Variants in CCDC178 observed in about 807,000 individuals in gnomAD.
CCDC178 encodes the protein coiled-coil domain-containing protein 178.
A neutral mutation model predicts 117.4 loss-of-function variants in CCDC178; 126 were observed. The observed-to-expected ratio is 1.07, with a 90% CI of 0.93 to 1.24. CCDC178 has a LOEUF of 1.24. CCDC178 is among the 50% of genes most tolerant of loss of function. The probability of loss-of-function intolerance (pLI) is 0.00; values close to 1 mark genes in which losing one functional copy is unlikely to be tolerated. For missense variants in CCDC178, 1,030 were observed against 986.9 expected, an observed-to-expected ratio of 1.04 and a Z score of -0.59; for synonymous variants, 283 against 313.4, an observed-to-expected ratio of 0.90 and a Z score of 1.02.
intron 15 of CCDC178, among the ~76,000 whole-genome samples, chr18:33,230,059 C>T (rs756931983): frequency 6.6e-6 from 1 of 152,104 alleles, no homozygotes; most frequent in Non-Finnish European, 1.5e-5. Flanking sequence ...GGGCAAAATC[C>T]TCTAACCTAA....
At chr18:33,354,878 G>A (rs1045859295) in intron 7 of CCDC178, among the ~76,000 whole-genome samples, 1 of 152,026 alleles carries the variant, frequency 6.6e-6, no homozygotes, top group Admixed American at 6.6e-5. Context: ...CCAAAGTGTT[G>A]GGATTACAGG....
intron 20 of CCDC178, among the ~76,000 whole-genome samples, chr18:33,097,601 CAG>C (rs1305859691): frequency 1.3e-5 from 2 of 152,070 alleles, no homozygotes; most frequent in East Asian, 1.9e-4. Context: ...AGACTGGCTC[CAG>C]ATCCTGTACC....
chr18:33,375,924 C>T (rs2063358677), intron 5 of CCDC178, among the ~76,000 whole-genome samples: 1 of 151,950 alleles, frequency 6.6e-6, no homozygotes, highest in Non-Finnish European at 1.5e-5. Flanking sequence ...AGGCAAATTT[C>T]AGAACAGGAG....
intron 22 of CCDC178, chr18:32,958,038 T>A: frequency 3.1e-6 from 1 of 321,318 alleles, no homozygotes; most frequent in Middle Eastern, 3.8e-4. Flanking sequence ...GAAAGTGAGT[T>A]TACAGGGTTA....
chr18:33,127,003 T>A (rs942800506), intron 20 of CCDC178, among the ~76,000 whole-genome samples: 8 of 143,674 alleles, frequency 5.6e-5, no homozygotes, highest in South Asian at 4.3e-4. Flanking sequence ...AAAAAATATA[T>A]ATATATATAT....
intron 20 of CCDC178, among the ~76,000 whole-genome samples, chr18:33,109,987 T>C (rs1414172135): frequency 6.6e-6 from 1 of 151,404 alleles, no homozygotes; most frequent in Admixed American, 6.6e-5. Context: ...TGTTCAGCTC[T>C]AGTTGATAGC....
At chr18:33,057,169 C>T (rs935941343) in intron 21 of CCDC178, among the ~76,000 whole-genome samples, 2 of 152,124 alleles carry the variant, frequency 1.3e-5, no homozygotes, top group Non-Finnish European at 2.9e-5. Context: ...GAGAAAACTA[C>T]ATAAGTTTCT....
intron 14 of CCDC178, 144 bp from the exon 15 acceptor site, chr18:33,245,572 C>A: frequency 3.3e-6 from 3 of 922,846 alleles, no homozygotes; most frequent in Non-Finnish European, 2.9e-6. Context: ...GAAGACAGAA[C>A]ATGTGTCCTA....
At chr18:33,207,050 T>G (rs2059052426) in intron 20 of CCDC178, among the ~76,000 whole-genome samples, 1 of 152,204 alleles carries the variant, frequency 6.6e-6, no homozygotes, top group Non-Finnish European at 1.5e-5. Context: ...TGGAGTTTCA[T>G]GTCTTCTGCT....
At position 33,189,774 on chromosome 18, in the gene CCDC178, C is replaced by A; in HGVS notation, c.2238+22122G>T. 1.3e-5 allele frequency among the ~76,000 whole-genome samples: 2 copies of A among 152,122 alleles called. 1 individual carries two copies. The highest frequency in any genetic ancestry group is 2.9e-5 in the Non-Finnish European group (2 of 68,024). On this transcript the variant is annotated intron_variant, in intron 20 of 22. Transcript: ENST00000383096. Reference sequence around the variant, plus strand: ...GCATTGAATTATGTTATTATCAACTCGGTTTAGTTGGGAACTACATTTCTC... The same window carrying A: ...GCATTGAATTATGTTATTATCAACTAGGTTTAGTTGGGAACTACATTTCTC...
intron 11 of CCDC178, among the ~76,000 whole-genome samples, chr18:33,322,300 T>C (rs2062522351): frequency 6.6e-6 from 1 of 151,966 alleles, no homozygotes; most frequent in Admixed American, 6.6e-5. Context: ...AATAGGTCTG[T>C]ATTGAGTCTG....
rs532018024 is a variant in CCDC178 at position 33,426,662 on chromosome 18, A to G, written c.-23+13300T>C. 1.2e-3 allele frequency among the ~76,000 whole-genome samples: 182 copies of G among 152,266 alleles called. 1 individual carries two copies. The highest frequency in any genetic ancestry group is 4.1e-3 in the African/African-American group (172 of 41,554). On this transcript the variant is annotated intron_variant, in intron 2 of 22. Coordinates refer to ENST00000383096, the MANE Select transcript of CCDC178 (RefSeq NM_001105528.4). ...CCTTTTACTTCTCACTACAAAACGT[A>G]TTTGCTTTCTTCTTTCCTTGTACTT...
At chr18:32,957,961 G>A (rs777883394) in intron 22 of CCDC178, 1 of 254,038 alleles carries the variant, frequency 3.9e-6, no homozygotes, top group African/African-American at 2.2e-5. Flanking sequence ...GATAAATGAA[G>A]TACCTCTTTA....
At chr18:33,041,655 AATT>A (rs1292895275) in intron 21 of CCDC178, among the ~76,000 whole-genome samples, 1 of 151,574 alleles carries the variant, frequency 6.6e-6, no homozygotes, top group Non-Finnish European at 1.5e-5. Flanking sequence ...ATAAAATAAT[AATT>A]ATTTCTTAAA....
chr18:33,065,861 CTTT>C (rs113727763), intron 21 of CCDC178, among the ~76,000 whole-genome samples: 2 of 130,202 alleles, frequency 1.5e-5, no homozygotes, highest in Admixed American at 7.8e-5. Flanking sequence ...AGTTCTTTTT[CTTT>C]TTTTTTTTTT....
At chr18:33,170,076 G>GTGTA (rs2058581003) in intron 20 of CCDC178, among the ~76,000 whole-genome samples, 1 of 152,034 alleles carries the variant, frequency 6.6e-6, no homozygotes, top group Non-Finnish European at 1.5e-5. Context: ...GTGTGTGTGT[G>GTGTA]TGTATGTGTT....
At chr18:32,971,040 T>C (rs1050113402) in intron 22 of CCDC178, among the ~76,000 whole-genome samples, 1 of 152,108 alleles carries the variant, frequency 6.6e-6, no homozygotes, top group Non-Finnish European at 1.5e-5. Flanking sequence ...AGTTCTGGGA[T>C]ACATGTGCAA....
At chr18:33,066,923 A>T (rs929579419) in intron 21 of CCDC178, among the ~76,000 whole-genome samples, 1 of 152,060 alleles carries the variant, frequency 6.6e-6, no homozygotes, top group Non-Finnish European at 1.5e-5. Context: ...TCAACACCCC[A>T]CTCTTAATAT....
intron 20 of CCDC178, among the ~76,000 whole-genome samples, chr18:33,110,180 G>A (rs2057761806): frequency 6.6e-6 from 1 of 151,462 alleles, no homozygotes; most frequent in South Asian, 2.1e-4. Context: ...ATGCTTATCG[G>A]ACATTTGTAT....
Sources: gnomAD v4.1 joint callset for allele counts (sites outside exome capture counted in the v4.1 genomes callset) on GRCh38, gnomAD v4.1.1 for gene constraint, MANE v1.5 for transcripts, NCBI Gene and HGNC (gene_info 2026-07-23, HGNC 2026-07-21) for gene names.